The following TMEM114 variants were observed in gnomAD, a reference collection of about 807,000 sequenced individuals.
TMEM114 encodes claudin-26.
Under a neutral mutation model 6.2 loss-of-function variants are expected in TMEM114, and 6 were observed. The ratio of observed to expected loss-of-function variants is 0.97; its 90% CI spans 0.53 to 1.91. The LOEUF is 1.91. TMEM114 is among the 40% of genes most tolerant of loss of function. The pLI is 0.01. For missense variants in TMEM114, 218 were observed against 158.3 expected, an observed-to-expected ratio of 1.38 and a Z score of -2.02; for synonymous variants, 104 against 73.0, an observed-to-expected ratio of 1.42 and a Z score of -2.16.
At chr16:8,562,369 TGAATGAGTGAGTGAGG>T (rs1332467105) in intron 2 of TMEM114, among the ~76,000 whole-genome samples, 3 of 150,610 alleles carry the variant, frequency 2.0e-5, no homozygotes, top group African/African-American at 4.9e-5. Flanking sequence ...AGTGAGTGAA[TGAATGAGTGAGTGAGG>T]GAATGAGTGA....
At chr16:8,569,469 G>C (rs1901648607), downstream of TMEM114, 1 of 1,235,316 alleles carries the variant, frequency 8.1e-7, no homozygotes, top group Non-Finnish European at 1.0e-6. Context: ...CGGAGGGGGC[G>C]TGAGGACTTT....
chr16:8,530,951 G>A, the TMEM114 span, among the ~76,000 whole-genome samples: 1 of 152,100 alleles, frequency 6.6e-6, no homozygotes, highest in Non-Finnish European at 1.5e-5. Flanking sequence ...CTTGAAGTGG[G>A]AGGCGGAGTT....
intron 2 of TMEM114, among the ~76,000 whole-genome samples, chr16:8,574,245 A>G (rs1901838412): frequency 6.6e-6 from 1 of 152,218 alleles, no homozygotes; most frequent in African/African-American, 2.4e-5. Context: ...GTAAAAGTAT[A>G]CGGCTCACAG....
chr16:8,542,863 C>G (rs984095314), intron 2 of TMEM114, among the ~76,000 whole-genome samples: 7 of 152,140 alleles, frequency 4.6e-5, no homozygotes, highest in African/African-American at 1.7e-4. Context: ...CAAACGTAGT[C>G]TTCTTAGGCC....
chr16:8,528,664 G>A, the TMEM114 span, among the ~76,000 whole-genome samples: 3 of 152,182 alleles, frequency 2.0e-5, no homozygotes. Flanking sequence ...TGGTAAATCT[G>A]CATTGTCAGC....
At chr16:8,535,954 G>A (rs750520714), downstream of TMEM114, among the ~76,000 whole-genome samples, 15 of 152,154 alleles carry the variant, frequency 9.9e-5, no homozygotes, top group African/African-American at 2.2e-4. Flanking sequence ...GGGAGGGCGC[G>A]GTGGCTTATG....
chr16:8,568,913 T>G (rs760141954), downstream of TMEM114, among the ~76,000 whole-genome samples: 1 of 152,252 alleles, frequency 6.6e-6, no homozygotes, highest in Non-Finnish European at 1.5e-5. Flanking sequence ...TCTCTGTCAC[T>G]TAATAAACGC....
At chr16:8,557,243 G>T (rs367962704) in intron 2 of TMEM114, among the ~76,000 whole-genome samples, 9 of 152,220 alleles carry the variant, frequency 5.9e-5, no homozygotes, top group African/African-American at 2.2e-4. Flanking sequence ...CTGAGACTAG[G>T]TCACAAAAGG....
At chr16:8,527,555 C>G in the TMEM114 span, among the ~76,000 whole-genome samples, 1 of 151,692 alleles carries the variant, frequency 6.6e-6, no homozygotes, top group Non-Finnish European at 1.5e-5. Context: ...TTTTTTTAAT[C>G]ATGGAATTTT....
rs375460237 is a variant in TMEM114, at chr16:8,543,122, C to T, written n.213-5296G>A. Among the ~76,000 whole-genome samples the T allele has an allele frequency of 1.2e-3, 184 of 152,218 alleles. 1 individual carries two copies. Among genetic ancestry groups the T allele is most frequent in the African/African-American group, 4.4e-3 (181 of 41,526 alleles). On this transcript the variant is annotated intron_variant and non_coding_transcript_variant, in intron 2 of 2. Transcript: ENST00000623677. ...GCATAATTGATGTCAGTTCAGACTT[C>T]GGTGTTTCTGAAGTGTTTGGCCTCA... is the stretch of plus-strand genomic sequence containing the variant.
At chr16:8,535,026 A>G (rs931690301), downstream of TMEM114, among the ~76,000 whole-genome samples, 3 of 152,144 alleles carry the variant, frequency 2.0e-5, no homozygotes, top group Admixed American at 1.3e-4. Context: ...TCGCTTTGGA[A>G]CTGGGGCTGG....
At chr16:8,571,385 G>A (rs928208211) in intron 3 of TMEM114, among the ~76,000 whole-genome samples, 3 of 152,070 alleles carry the variant, frequency 2.0e-5, no homozygotes, top group East Asian at 1.9e-4. Context: ...GGAGTGGCTC[G>A]GTCAAACTAT....
chr16:8,586,222 T>C (rs1006359462), intron 2 of TMEM114, among the ~76,000 whole-genome samples: 1 of 152,232 alleles, frequency 6.6e-6, no homozygotes, highest in Non-Finnish European at 1.5e-5. Context: ...ACTTACCATA[T>C]GTCTGGAAAC....
downstream of TMEM114, among the ~76,000 whole-genome samples, chr16:8,534,613 G>C (rs1342827195): frequency 6.6e-6 from 1 of 152,178 alleles, no homozygotes; most frequent in African/African-American, 2.4e-5. Context: ...ACACACACAA[G>C]TGCTTGGTGG....
the TMEM114 span, chr16:8,531,862 T>G: frequency 6.6e-6 from 1 of 152,202 alleles, no homozygotes; most frequent in African/African-American, 2.4e-5. Flanking sequence ...GGATGTAAAA[T>G]TCTTTGTGAA....
downstream of TMEM114, among the ~76,000 whole-genome samples, chr16:8,565,681 C>T (rs543349576): frequency 5.0e-4 from 76 of 152,186 alleles, no homozygotes; most frequent in Non-Finnish European, 8.1e-4. Context: ...TGCAACCACT[C>T]TCACCCCTGC....
chr16:8,526,612 T>C, the TMEM114 span: 70,045 of 152,040 alleles, frequency 0.46, 16,385 homozygotes, highest in Admixed American at 0.52. Flanking sequence ...GGCTTTCACC[T>C]TCCGCCATGA....
intron 2 of TMEM114, 33 bp from the exon 3 acceptor site, chr16:8,572,257 G>C (rs1018624314): frequency 2.1e-5 from 33 of 1,551,284 alleles, no homozygotes; most frequent in Non-Finnish European, 2.7e-5. Flanking sequence ...CCAGGCAGAG[G>C]ACAGTTACTA....
chr16:8,584,757 A>T (rs1186219144), intron 2 of TMEM114, among the ~76,000 whole-genome samples: 1 of 151,950 alleles, frequency 6.6e-6, no homozygotes, highest in East Asian at 1.9e-4. Context: ...CCCCATCTCT[A>T]CTAAAAATAC....
Sources: gnomAD v4.1 joint callset for allele counts (sites outside exome capture counted in the v4.1 genomes callset) on GRCh38, gnomAD v4.1.1 for gene constraint, MANE v1.5 for transcripts, NCBI Gene and HGNC (gene_info 2026-07-23, HGNC 2026-07-21) for gene names.